The following TSNARE1 variants were observed in gnomAD, a reference collection of about 807,000 sequenced individuals.
TSNARE1 encodes the protein t-SNARE domain-containing protein 1.
In TSNARE1, 49 loss-of-function variants were observed where a neutral mutation model predicts 62.0. The observed-to-expected ratio is 0.79, with a 90% CI of 0.63 to 1.00. TSNARE1 has a LOEUF of 1.00. Among genes scored for constraint, TSNARE1 ranks in the 50% least tolerant of loss-of-function variants. The pLI, the probability that TSNARE1 is intolerant of heterozygous loss-of-function variation, is 0.00. For missense variants in TSNARE1, 755 were observed against 700.1 expected (o/e 1.08, Z -0.88); for synonymous variants, 328 against 294.4 (o/e 1.11, Z -1.17).
chr8:142,270,380 C>T (rs935286935), intron 12 of TSNARE1: 1 of 985,320 alleles, frequency 1.0e-6, no homozygotes, highest in Non-Finnish European at 1.2e-6. Context: ...CTGCTGCCTG[C>T]TTTGTCATTT....
intron 9 of TSNARE1, among the ~76,000 whole-genome samples, chr8:142,308,527 G>A (rs950773019): frequency 2.6e-5 from 4 of 152,130 alleles, no homozygotes; most frequent in East Asian, 1.9e-4. Flanking sequence ...CGTGTGGTCC[G>A]TGTCCAGTCT....
intron 12 of TSNARE1, among the ~76,000 whole-genome samples, chr8:142,254,747 C>T (rs1284734080): frequency 6.6e-6 from 1 of 152,200 alleles, no homozygotes; most frequent in Non-Finnish European, 1.5e-5. Flanking sequence ...CCAGCCCCAC[C>T]CCAGTTTCAG....
intron 9 of TSNARE1, among the ~76,000 whole-genome samples, chr8:142,307,322 C>T (rs1028908368): frequency 3.9e-5 from 6 of 152,190 alleles, no homozygotes; most frequent in South Asian, 2.1e-4. Context: ...TCAGACTGGG[C>T]GGTGTTCCAG....
Position 142,343,779 on chromosome 8 carries a change from A to AGGAGGAGGAGGGGGAGGAGGAGGAGGG in TSNARE1, c.745+186_745+187insCCCTCCTCCTCCTCCCCCTCCTCCTCC, listed in dbSNP as rs1375265334. ...GGGGGGAGGAGGGGAGAAGAGGAGG[A>AGGAGGAGGAGGGGGAGGAGGAGGAGGG]GGAGGAGGAGGAGGAGGGGGAGGAG... is the stretch of plus-strand genomic sequence containing the variant. On this transcript the variant is annotated intron_variant, in intron 4 of 13. Transcript: ENST00000524325. Among the ~76,000 whole-genome samples the AGGAGGAGGAGGGGGAGGAGGAGGAGGG allele has an allele frequency of 1.2e-4, 6 of 49,258 alleles. No individual in the cohort carries two copies. The African/African-American group carries it at 1.6e-3, about 13-fold the overall frequency. 32.3% of individuals were successfully genotyped at this position (49,258 alleles called of 152,430 possible).
intron 11 of TSNARE1, chr8:142,275,390 G>T: frequency 1.0e-6 from 1 of 985,432 alleles, no homozygotes; most frequent in Non-Finnish European, 1.2e-6. Flanking sequence ...TGCCGTGCGG[G>T]GATCACGGGA....
chr8:142,260,669 G>A (rs1044695609), intron 12 of TSNARE1, among the ~76,000 whole-genome samples: 8 of 151,934 alleles, frequency 5.3e-5, no homozygotes, highest in Non-Finnish European at 8.8e-5. Context: ...CCCAGCAGTC[G>A]GCTGAGTCCC....
At chr8:142,271,759 G>C in intron 12 of TSNARE1, 1 of 1,180,744 alleles carries the variant, frequency 8.5e-7, no homozygotes, top group Non-Finnish European at 1.1e-6. Context: ...GGGTGAGCAG[G>C]GTGCAGGGAG....
chr8:142,276,938 G>A (rs7825772), intron 11 of TSNARE1: 128,230 of 985,372 alleles, frequency 0.13, 8,974 homozygotes, highest in African/African-American at 0.25. Context: ...AGGTGGGCAC[G>A]CCATGTCCTG....
intron 9 of TSNARE1, among the ~76,000 whole-genome samples, chr8:142,312,267 T>C (rs138393265): frequency 1.7e-3 from 264 of 152,354 alleles, no homozygotes; most frequent in African/African-American, 6.1e-3. Flanking sequence ...AACCAACTAT[T>C]TGAATATCTG....
chr8:142,375,449 C>T (rs1563999154), intron 1 of TSNARE1, among the ~76,000 whole-genome samples: 3 of 152,330 alleles, frequency 2.0e-5, no homozygotes, highest in African/African-American at 2.4e-5. Flanking sequence ...CAGAGGATGG[C>T]GCAGGCCCTG....
intron 11 of TSNARE1, chr8:142,278,781 C>A (rs779517427): frequency 5.0e-5 from 49 of 985,276 alleles, no homozygotes; most frequent in Non-Finnish European, 5.7e-5. Flanking sequence ...CCGGACAGCA[C>A]CACGTGTGGG....
At chr8:142,358,681 T>C (rs1049957729) in intron 1 of TSNARE1, among the ~76,000 whole-genome samples, 4 of 151,492 alleles carry the variant, frequency 2.6e-5, no homozygotes, top group African/African-American at 9.7e-5. Flanking sequence ...GAGGCCAGTC[T>C]GGAAACACGA....
At chr8:142,244,883 C>A (rs1311701129) in intron 12 of TSNARE1, among the ~76,000 whole-genome samples, 1 of 152,254 alleles carries the variant, frequency 6.6e-6, no homozygotes, top group Non-Finnish European at 1.5e-5. Flanking sequence ...CGGAAGGCAT[C>A]GGCCAGAGAG....
intron 1 of TSNARE1, among the ~76,000 whole-genome samples, chr8:142,387,542 A>T (rs1837192705): frequency 6.6e-6 from 1 of 152,160 alleles, no homozygotes. Context: ...AACCAAGAAA[A>T]ACAAGAGAAG....
chr8:142,383,407 G>A (rs1013933824), intron 1 of TSNARE1, among the ~76,000 whole-genome samples: 7 of 150,182 alleles, frequency 4.7e-5, no homozygotes, highest in Non-Finnish European at 7.4e-5. Context: ...CTCTGTGGGA[G>A]GCCCCAAGCA....
At chr8:142,252,216 C>T (rs1818212698) in intron 12 of TSNARE1, among the ~76,000 whole-genome samples, 1 of 152,230 alleles carries the variant, frequency 6.6e-6, no homozygotes, top group Admixed American at 6.5e-5. Flanking sequence ...TTGTTGTTTT[C>T]CCTTTCTGCT....
chr8:142,214,785 C>T (rs1327547773), intron 13 of TSNARE1, among the ~76,000 whole-genome samples: 1 of 152,334 alleles, frequency 6.6e-6, no homozygotes. Context: ...CCCGCCCTCC[C>T]TCCGCCACGT....
chr8:142,293,877 G>A (rs1390364863), intron 10 of TSNARE1, among the ~76,000 whole-genome samples: 2 of 152,208 alleles, frequency 1.3e-5, no homozygotes, highest in Non-Finnish European at 2.9e-5. Flanking sequence ...CAGTGGGGGC[G>A]GGAGAGGAGG....
At chr8:142,281,428 G>A (rs1483930509) in intron 11 of TSNARE1, among the ~76,000 whole-genome samples, 1 of 152,006 alleles carries the variant, frequency 6.6e-6, no homozygotes, top group Non-Finnish European at 1.5e-5. Flanking sequence ...TGTGGGAGGG[G>A]GGCAAGGTCA....
Sources: allele counts gnomAD v4.1 joint callset (sites outside exome capture counted in the v4.1 genomes callset), GRCh38; gene constraint gnomAD v4.1.1; transcripts MANE v1.5; gene names NCBI Gene and HGNC (gene_info 2026-07-23, HGNC 2026-07-21).